AXDND1: variants seen among roughly 807,000 people sequenced by gnomAD.
AXDND1 encodes axonemal dynein light chain domain-containing protein 1.
Under a neutral mutation model 137.5 loss-of-function variants are expected in AXDND1, and 110 were observed. The observed-to-expected ratio is 0.80, with a 90% CI of 0.69 to 0.94. AXDND1 has a LOEUF of 0.94. Ranked by LOEUF, AXDND1 falls within the 40% of genes least tolerant of loss-of-function variation. The probability of loss-of-function intolerance (pLI) is 0.00; values close to 1 mark genes in which losing one functional copy is unlikely to be tolerated. For synonymous variants in AXDND1, 414 were observed against 399.7 expected (o/e 1.04, Z -0.43); for missense variants, 1,191 against 1,169.8 (o/e 1.02, Z -0.26).
chr1:179,488,634 C>CTCTCTCTTTCTTT (rs376189496), intron 18 of AXDND1, among the ~76,000 whole-genome samples: 2 of 105,172 alleles, frequency 1.9e-5, no homozygotes, highest in African/African-American at 3.9e-5. Context: ...CTCTCTCTCT[C>CTCTCTCTTTCTTT]CTTTCTTTCT....
chr1:179,479,598 A>G (rs1300504584), intron 17 of AXDND1, among the ~76,000 whole-genome samples: 3 of 150,068 alleles, frequency 2.0e-5, no homozygotes, highest in African/African-American at 4.9e-5. Flanking sequence ...TAACATGGTG[A>G]AACCCTGTCT....
chr1:179,469,480 A>G (rs180796096), intron 17 of AXDND1, among the ~76,000 whole-genome samples: 53 of 152,190 alleles, frequency 3.5e-4, no homozygotes, highest in African/African-American at 1.3e-3. Flanking sequence ...ATTCATGTGC[A>G]TGCTTTTTGT....
chr1:179,428,132 T>C (rs1264799431), intron 12 of AXDND1, among the ~76,000 whole-genome samples: 1 of 152,186 alleles, frequency 6.6e-6, no homozygotes, highest in Non-Finnish European at 1.5e-5. Flanking sequence ...AATACAGTGT[T>C]CCATTCTGAT....
intron 16 of AXDND1, among the ~76,000 whole-genome samples, chr1:179,463,926 A>T (rs1662741726): frequency 6.6e-6 from 1 of 152,038 alleles, no homozygotes; most frequent in African/African-American, 2.4e-5. Context: ...GTTTTATCAG[A>T]GACTAGGATT....
At chr1:179,477,582 T>G (rs948684154) in intron 17 of AXDND1, among the ~76,000 whole-genome samples, 3 of 151,612 alleles carry the variant, frequency 2.0e-5, no homozygotes, top group Non-Finnish European at 4.4e-5. Context: ...ATGATTCAAT[T>G]ATCTCCCACT....
At chr1:179,500,767 G>A (rs1044969539) in intron 20 of AXDND1, among the ~76,000 whole-genome samples, 12 of 152,200 alleles carry the variant, frequency 7.9e-5, no homozygotes, top group African/African-American at 2.9e-4. Context: ...TGCCTCTCGG[G>A]TTCAAGAGAT....
intron 25 of AXDND1, chr1:179,544,028 T>C (rs1672413466): frequency 6.6e-6 from 1 of 152,654 alleles, no homozygotes; most frequent in South Asian, 2.1e-4. Flanking sequence ...TCCACAGAGC[T>C]CTGGGGTTCA....
intron 12 of AXDND1, among the ~76,000 whole-genome samples, chr1:179,416,897 C>G (rs971255454): frequency 1.3e-5 from 2 of 152,144 alleles, no homozygotes; most frequent in Non-Finnish European, 2.9e-5. Flanking sequence ...ATTTGTCTGC[C>G]TTGGTTTTTG....
At chr1:179,410,359 T>C (rs188060742) in intron 11 of AXDND1, among the ~76,000 whole-genome samples, 1 of 152,286 alleles carries the variant, frequency 6.6e-6, no homozygotes, top group Non-Finnish European at 1.5e-5. Context: ...GCCTCCCAAA[T>C]AGCTGGAACT....
chr1:179,416,529 C>T (rs541617022), intron 12 of AXDND1, among the ~76,000 whole-genome samples: 1 of 152,134 alleles, frequency 6.6e-6, no homozygotes, highest in Admixed American at 6.5e-5. Flanking sequence ...ATTTACATTC[C>T]CACCAACAGC....
chr1:179,468,167 T>A (rs1464236071), intron 16 of AXDND1, among the ~76,000 whole-genome samples: 1 of 152,208 alleles, frequency 6.6e-6, no homozygotes, highest in Non-Finnish European at 1.5e-5. Context: ...CTGGGTTTAA[T>A]GCATTTGATT....
Position 179,539,059 on chromosome 1 carries a change from C to T in AXDND1, c.3031+4097C>T, listed in dbSNP as rs149686332. ...TTTGCTTGGTAGATCTTCCTTCATC[C>T]CTTTATTTTGAGCCTATGTGTGTCT... On this transcript the variant is annotated intron_variant, in intron 25 of 25. Transcript: ENST00000367618. Among the ~76,000 whole-genome samples, 359 of 152,158 alleles carry T rather than the reference C, an allele frequency of 2.4e-3. 6 individuals are homozygous for T. The highest frequency in any genetic ancestry group is 8.1e-3 in the African/African-American group (337 of 41,504).
At chr1:179,377,829 C>T (rs1417563698) in intron 4 of AXDND1, among the ~76,000 whole-genome samples, 1 of 152,144 alleles carries the variant, frequency 6.6e-6, no homozygotes, top group African/African-American at 2.4e-5. Flanking sequence ...TGATGTTTAA[C>T]ACAAGTGATC....
chr1:179,417,306 C>T (rs1654858308), intron 12 of AXDND1, among the ~76,000 whole-genome samples: 1 of 151,660 alleles, frequency 6.6e-6, no homozygotes, highest in African/African-American at 2.4e-5. Context: ...TTTCTCTTCA[C>T]TTTGTTGATT....
chr1:179,510,316 TCTC>T lies in AXDND1; in HGVS notation c.2496+918_2496+920del, dbSNP rs1294301468. On this transcript the variant is annotated intron_variant, in intron 21 of 25. Transcript: ENST00000367618. ...TGTATTTCAGCCTCTTTGAAGGCGT[TCTC>T]CTCCAGTAAATTCTGAAGAAGCTCC... is the stretch of plus-strand genomic sequence containing the variant. 3.9e-5 allele frequency among the ~76,000 whole-genome samples: 6 copies of T among 152,272 alleles called. No individual in the cohort carries two copies. In the East Asian group the frequency reaches 1.2e-3, roughly 29 times the overall value.
At chr1:179,535,097 C>A in intron 25 of AXDND1, 135 bp downstream of exon 25, 1 of 1,334,048 alleles carries the variant, frequency 7.5e-7, no homozygotes, top group Non-Finnish European at 1.0e-6. Context: ...TAGGAATGTG[C>A]ATATTTTAAT....
At chr1:179,374,716 A>G (rs1011576972) in intron 4 of AXDND1, among the ~76,000 whole-genome samples, 3 of 152,008 alleles carry the variant, frequency 2.0e-5, no homozygotes, top group Non-Finnish European at 2.9e-5. Context: ...TGAGCAAACT[A>G]TCACAAGGAC....
intron 9 of AXDND1, among the ~76,000 whole-genome samples, chr1:179,389,217 C>T (rs1649736551): frequency 6.6e-6 from 1 of 152,098 alleles, no homozygotes; most frequent in African/African-American, 2.4e-5. Flanking sequence ...AGGTGGTCTG[C>T]CCACTTCAGC....
At chr1:179,431,463 T>G (rs1368624440) in intron 14 of AXDND1, among the ~76,000 whole-genome samples, 1 of 117,450 alleles carries the variant, frequency 8.5e-6, no homozygotes, top group Non-Finnish European at 1.9e-5. Context: ...ATTTCTAAGG[T>G]TTTTGTTTGT....
Sources: gnomAD v4.1 joint callset for allele counts (sites outside exome capture counted in the v4.1 genomes callset) on GRCh38, gnomAD v4.1.1 for gene constraint, MANE v1.5 for transcripts, NCBI Gene and HGNC (gene_info 2026-07-23, HGNC 2026-07-21) for gene names.